The following RAB27A variants were observed in gnomAD, a reference collection of about 807,000 sequenced individuals.
RAB27A encodes RAB27A, member RAS oncogene family.
Under a neutral mutation model 20.8 loss-of-function variants are expected in RAB27A, and 17 were observed. That is an observed-to-expected ratio of 0.82 (90% confidence interval 0.56 to 1.23). RAB27A has a LOEUF of 1.23. RAB27A is among the 50% of genes most tolerant of loss of function. The pLI is 0.00. For missense variants in RAB27A, 277 were observed against 266.7 expected (o/e 1.04, Z -0.27); for synonymous variants, 85 against 92.8 (o/e 0.92, Z 0.48).
At chr15:55,209,980 GTACA>G (rs1894895297) in intron 6 of RAB27A, among the ~76,000 whole-genome samples, 2 of 124,190 alleles carry the variant, frequency 1.6e-5, no homozygotes, top group Non-Finnish European at 3.4e-5. Context: ...GTGTGTACAT[GTACA>G]TATATACGCA....
intron 2 of RAB27A, among the ~76,000 whole-genome samples, chr15:55,245,391 T>G (rs8039960): frequency 0.011 from 1,620 of 152,298 alleles, 36 homozygotes; most frequent in African/African-American, 0.037. Context: ...CGGAGAGAAG[T>G]GGAAATCTAA....
chr15:55,203,109 T>G lies in RAB27A; in HGVS notation c.*2398A>C, dbSNP rs1894471404. 6.6e-6 allele frequency: 1 copy of G among 152,050 alleles called. No individual in the cohort carries two copies. The highest frequency in any genetic ancestry group is 1.5e-5 in the Non-Finnish European group (1 of 67,964). 9.4% of individuals were successfully genotyped at this position (152,050 alleles called of 1,614,324 possible). A position where few individuals can be genotyped will look rare whatever the true frequency, so the allele number is the denominator to read the frequency against. On this transcript the variant is annotated 3_prime_UTR_variant, in exon 7 of 7. Transcript: ENST00000336787. ...GTACTTCAATACCAAACTTAAATGA[T>G]TTCCAAAAAGAATACAGGTTATTTC...
chr15:55,217,190 A>C (rs1895345190), intron 6 of RAB27A, among the ~76,000 whole-genome samples: 1 of 152,118 alleles, frequency 6.6e-6, no homozygotes, highest in Admixed American at 6.5e-5. Flanking sequence ...TCCTTAGACT[A>C]ATCACTCAGA....
At chr15:55,244,997 A>G (rs28421759) in intron 2 of RAB27A, among the ~76,000 whole-genome samples, 6,881 of 152,276 alleles carry the variant, frequency 0.045, 547 homozygotes, top group African/African-American at 0.16. Context: ...AAGGAAACAC[A>G]TAACAGAGAC....
chr15:55,262,920 T>C (rs1897328263), intron 2 of RAB27A, among the ~76,000 whole-genome samples: 2 of 152,168 alleles, frequency 1.3e-5, no homozygotes, highest in Admixed American at 6.5e-5. Context: ...AGATTTTTGG[T>C]ACATATTTTT....
At chr15:55,240,263 C>T (rs1024896246) in intron 2 of RAB27A, among the ~76,000 whole-genome samples, 3 of 152,030 alleles carry the variant, frequency 2.0e-5, no homozygotes, top group African/African-American at 7.3e-5. Context: ...CACACAGTAC[C>T]AGAATTTGAC....
At position 55,261,463 on chromosome 15, in the gene RAB27A, C is replaced by T. The variant is rs145141657; in HGVS notation, c.-23+8702G>A. ...GAATATTTTTGGCTGGGTACTGTGG[C>T]TTACACCTGTAATCCCAGCACTTTG... is the stretch of plus-strand genomic sequence containing the variant. On this transcript the variant is annotated intron_variant, in intron 2 of 6. Transcript: ENST00000336787. 1.7e-3 allele frequency among the ~76,000 whole-genome samples: 247 copies of T among 149,136 alleles called. 1 individual carries two copies. The highest frequency in any genetic ancestry group is 5.9e-3 in the African/African-American group (239 of 40,514).
upstream of RAB27A, among the ~76,000 whole-genome samples, chr15:55,292,586 G>A (rs191550772): frequency 6.6e-6 from 1 of 152,312 alleles, no homozygotes; most frequent in East Asian, 1.9e-4. Context: ...CCATGGGGAT[G>A]CCCAGTTTCT....
intron 5 of RAB27A, among the ~76,000 whole-genome samples, chr15:55,227,458 C>T (rs977801795): frequency 2.0e-5 from 3 of 152,158 alleles, no homozygotes; most frequent in African/African-American, 4.8e-5. Context: ...CTTAGCCAGG[C>T]ATCTAGCGAA....
intron 2 of RAB27A, among the ~76,000 whole-genome samples, chr15:55,269,619 G>C (rs1404054703): frequency 6.6e-6 from 1 of 151,786 alleles, no homozygotes; most frequent in African/African-American, 2.4e-5. Context: ...TGGTAGCGTG[G>C]GGTCCCAGCT....
At chr15:55,282,726 A>C (rs1326097574) in intron 1 of RAB27A, among the ~76,000 whole-genome samples, 2 of 152,056 alleles carry the variant, frequency 1.3e-5, no homozygotes, top group African/African-American at 4.8e-5. Context: ...CTCATGTGGA[A>C]GCACACAATA....
At chr15:55,227,562 G>C (rs555681646) in intron 5 of RAB27A, among the ~76,000 whole-genome samples, 75 of 151,904 alleles carry the variant, frequency 4.9e-4, no homozygotes, top group African/African-American at 1.8e-3. Context: ...ACTTGAGAAC[G>C]GGCAAAAAAA....
chr15:55,222,537 T>C (rs1330911241), intron 6 of RAB27A, among the ~76,000 whole-genome samples: 3 of 152,266 alleles, frequency 2.0e-5, no homozygotes, highest in African/African-American at 7.2e-5. Context: ...CTCCCTGTCC[T>C]CCAGGGATCA....
chr15:55,252,927 G>A (rs377306849), intron 2 of RAB27A, among the ~76,000 whole-genome samples: 2 of 152,076 alleles, frequency 1.3e-5, no homozygotes, highest in African/African-American at 2.4e-5. Context: ...GAGGTCAAGA[G>A]ATCGAGACCA....
At chr15:55,293,048 A>T (rs1394069876), upstream of RAB27A, among the ~76,000 whole-genome samples, 1 of 152,194 alleles carries the variant, frequency 6.6e-6, no homozygotes, top group Non-Finnish European at 1.5e-5. Context: ...GCCACTTCTT[A>T]CTGCAGCCAC....
intron 2 of RAB27A, among the ~76,000 whole-genome samples, chr15:55,249,875 G>A (rs915119482): frequency 6.6e-6 from 1 of 152,108 alleles, no homozygotes; most frequent in African/African-American, 2.4e-5. Flanking sequence ...TTAAATTTGT[G>A]CTTTTCAGTC....
At chr15:55,308,919 C>T (rs903301801) in intron 2 of RAB27A, among the ~76,000 whole-genome samples, 9 of 152,222 alleles carry the variant, frequency 5.9e-5, no homozygotes, top group African/African-American at 2.2e-4. Flanking sequence ...TTTGCCACTA[C>T]ATCAATTTCC....
intron 2 of RAB27A, among the ~76,000 whole-genome samples, chr15:55,310,436 C>A (rs1463914111): frequency 6.6e-6 from 1 of 152,186 alleles, no homozygotes; most frequent in Non-Finnish European, 1.5e-5. Context: ...CTCAGAGGAC[C>A]TTCATCCCCT....
chr15:55,298,191 C>T (rs1021005291), intron 2 of RAB27A, among the ~76,000 whole-genome samples: 2 of 133,120 alleles, frequency 1.5e-5, no homozygotes, highest in Admixed American at 1.7e-4. Context: ...GATGACAGAG[C>T]AAGACTCCGT....
Sources: allele counts gnomAD v4.1 joint callset (sites outside exome capture counted in the v4.1 genomes callset), GRCh38; gene constraint gnomAD v4.1.1; transcripts MANE v1.5; gene names NCBI Gene and HGNC (gene_info 2026-07-23, HGNC 2026-07-21).